The following TTC6 variants were observed in gnomAD, a reference collection of about 807,000 sequenced individuals.
TTC6 encodes tetratricopeptide repeat protein 6.
A neutral mutation model predicts 210.4 loss-of-function variants in TTC6; 172 were observed. That is an observed-to-expected ratio of 0.82 (90% CI 0.72 to 0.93). TTC6 has a LOEUF of 0.93. TTC6 is among the 40% of genes least tolerant of loss of function. The probability of loss-of-function intolerance (pLI) is 0.00; values close to 1 mark genes in which losing one functional copy is unlikely to be tolerated. For synonymous variants in TTC6, 804 were observed against 819.6 expected, an observed-to-expected ratio of 0.98 and a Z score of 0.32; for missense variants, 2,414 against 2,318.1, an observed-to-expected ratio of 1.04 and a Z score of -0.85.
intron 14 of TTC6, among the ~76,000 whole-genome samples, chr14:37,754,184 T>C (rs1210880068): frequency 6.6e-6 from 1 of 152,094 alleles, no homozygotes; most frequent in African/African-American, 2.4e-5. Flanking sequence ...ACCTGTCATC[T>C]AGGTTTTAAG....
intron 1 of TTC6, among the ~76,000 whole-genome samples, chr14:37,627,298 A>T (rs930009492): frequency 4.6e-5 from 7 of 151,078 alleles, no homozygotes; most frequent in South Asian, 2.1e-4. Flanking sequence ...TTTTTTTTTT[A>T]AATTGTATTA....
chr14:37,839,233 A>C (rs1032533245), intron 29 of TTC6, among the ~76,000 whole-genome samples: 2 of 152,190 alleles, frequency 1.3e-5, no homozygotes, highest in African/African-American at 2.4e-5. Flanking sequence ...TGTCTTCCAC[A>C]ATGGTTGAAC....
Position 37,741,558 on chromosome 14 carries a change from G to C in TTC6, c.2363+2403G>C, listed in dbSNP as rs1469469594. Among the ~76,000 whole-genome samples, 3 of 152,054 alleles carry C rather than the reference G, an allele frequency of 2.0e-5. No individual in the cohort carries two copies. In the East Asian group the frequency reaches 5.8e-4, roughly 29 times the overall value. On this transcript the variant is annotated intron_variant, in intron 10 of 30. Coordinates refer to ENST00000553443, the Ensembl canonical transcript of TTC6. ...ACCTGCCTCAGCCTCCCAAAGTGCT[G>C]GGATTACAGGCATGAGGCACCGCGC...
intron 6 of TTC6, among the ~76,000 whole-genome samples, chr14:37,716,389 G>A (rs113727557): frequency 2.0e-5 from 3 of 152,058 alleles, no homozygotes; most frequent in East Asian, 1.9e-4. Flanking sequence ...ATTAAATGAC[G>A]GAGTGGTAAA....
In TTC6 at chr14:37,806,357, G is replaced by T. The variant is rs1487304834; in HGVS notation, c.4165-4G>T. The T allele has an allele frequency of 9.1e-6, 14 of 1,534,784 alleles. No homozygotes were observed. Among genetic ancestry groups the T allele is most frequent in the Non-Finnish European group, 1.2e-5 (14 of 1,146,186 alleles). On this transcript the variant is annotated splice_polypyrimidine_tract_variant and splice_region_variant and intron_variant, in intron 21 of 30. Coordinates refer to ENST00000553443, the Ensembl canonical transcript of TTC6. ...GTTTGCATTTTGACAATATGCTCCTGTAGGCTTTTGATTCTTTTACAAAAG... is the reference window on the plus strand; with the variant it reads ...GTTTGCATTTTGACAATATGCTCCTTTAGGCTTTTGATTCTTTTACAAAAG...
chr14:37,670,962 A>G (rs1408137838), intron 1 of TTC6, among the ~76,000 whole-genome samples: 1 of 152,192 alleles, frequency 6.6e-6, no homozygotes, highest in Non-Finnish European at 1.5e-5. Context: ...GAGCCTTTTT[A>G]AAGTTATTTA....
At chr14:37,738,382 T>C (rs1884877084) in intron 9 of TTC6, among the ~76,000 whole-genome samples, 1 of 151,040 alleles carries the variant, frequency 6.6e-6, no homozygotes, top group Non-Finnish European at 1.5e-5. Context: ...AAATTGATTT[T>C]TATGGAATAA....
intron 29 of TTC6, chr14:37,837,459 C>T (rs2139044406): frequency 2.2e-6 from 1 of 453,252 alleles, no homozygotes; most frequent in East Asian, 7.1e-5. Context: ...TCCCCCCAAC[C>T]TGTCCCAGGG....
At chr14:37,799,787 T>A (rs2096101774) in intron 20 of TTC6, among the ~76,000 whole-genome samples, 1 of 151,800 alleles carries the variant, frequency 6.6e-6, no homozygotes, top group South Asian at 2.1e-4. Context: ...CCACCAACAA[T>A]CAGAATGAGC....
In TTC6 at chr14:37,666,042, TA is replaced by T. The variant is rs1033568377; in HGVS notation, c.940-14106del. Among the ~76,000 whole-genome samples, 30 of 150,690 alleles carry T rather than the reference TA, an allele frequency of 2.0e-4. 2 individuals are homozygous for T. The highest frequency in any genetic ancestry group is 9.9e-4 in the Admixed American group (15 of 15,130). Reference sequence around the variant, plus strand: ...TTAACACATGAAATGATTCTAAGTGTAAATTTGATTTTAGATCATCCATCTA... The same window carrying T: ...TTAACACATGAAATGATTCTAAGTGTAATTTGATTTTAGATCATCCATCTA... On this transcript the variant is annotated intron_variant, in intron 1 of 30. Coordinates refer to ENST00000553443, the Ensembl canonical transcript of TTC6.
intron 1 of TTC6, among the ~76,000 whole-genome samples, chr14:37,599,030 C>T (rs568510937): frequency 1.5e-4 from 23 of 151,470 alleles, no homozygotes; most frequent in Non-Finnish European, 2.9e-5. Context: ...GGTTCAAAGC[C>T]GACCCCAACT....
chr14:37,601,750 C>A (rs550918855), intron 1 of TTC6, among the ~76,000 whole-genome samples: 1 of 152,294 alleles, frequency 6.6e-6, no homozygotes, highest in Non-Finnish European at 1.5e-5. Context: ...TAAATGCTCC[C>A]TTTCCTGGGC....
intron 7 of TTC6, among the ~76,000 whole-genome samples, chr14:37,732,356 G>A (rs1454463523): frequency 6.7e-6 from 1 of 150,034 alleles, no homozygotes. Flanking sequence ...CTAATTTTTC[G>A]TATTTTTTAG....
chr14:37,638,441 G>A (rs1956431), intron 1 of TTC6, among the ~76,000 whole-genome samples: 10,767 of 152,016 alleles, frequency 0.071, 459 homozygotes, highest in East Asian at 0.12. Flanking sequence ...TTTTAGTAGA[G>A]AGGGGATTTC....
intron 29 of TTC6, among the ~76,000 whole-genome samples, chr14:37,836,582 C>A (rs567062711): frequency 6.6e-6 from 1 of 152,118 alleles, no homozygotes; most frequent in South Asian, 2.1e-4. Context: ...GACAAATTAT[C>A]TGGGCATATA....
At chr14:37,756,592 C>T (rs1233929036) in intron 14 of TTC6, among the ~76,000 whole-genome samples, 2 of 152,168 alleles carry the variant, frequency 1.3e-5, no homozygotes, top group African/African-American at 4.8e-5. Context: ...TTTTCTGCAT[C>T]TATTGAGATA....
At chr14:37,779,449 T>C (rs779559261) in intron 14 of TTC6, among the ~76,000 whole-genome samples, 6 of 152,194 alleles carry the variant, frequency 3.9e-5, no homozygotes, top group Non-Finnish European at 7.3e-5. Flanking sequence ...TTAAAAATAG[T>C]ACTGCATTTT....
At chr14:37,618,994 G>A (rs576686080), upstream of TTC6, among the ~76,000 whole-genome samples, 3 of 152,242 alleles carry the variant, frequency 2.0e-5, no homozygotes, top group East Asian at 3.9e-4. Context: ...CCTTTTGCAG[G>A]AAGAAATGCA....
At chr14:37,831,108 C>T (rs1461802472) in intron 29 of TTC6, among the ~76,000 whole-genome samples, 1 of 152,088 alleles carries the variant, frequency 6.6e-6, no homozygotes, top group East Asian at 1.9e-4. Flanking sequence ...TTGTAACCAT[C>T]ATTCTACTCT....
Sources: allele counts gnomAD v4.1 joint callset (sites outside exome capture counted in the v4.1 genomes callset), GRCh38; gene constraint gnomAD v4.1.1; transcripts MANE v1.5; gene names NCBI Gene and HGNC (gene_info 2026-07-23, HGNC 2026-07-21).